RHEX: variants seen among roughly 807,000 people sequenced by gnomAD.
RHEX encodes the protein regulator of hemoglobinization and erythroid cell expansion, also known as regulator of hemoglobinization and erythroid cell expansion protein.
A neutral mutation model predicts 20.1 loss-of-function variants in RHEX; 18 were observed. The observed-to-expected ratio is 0.90, with a 90% CI of 0.62 to 1.33. The LOEUF is 1.33. RHEX is among the 40% of genes most tolerant of loss of function. The pLI, the probability that RHEX is intolerant of heterozygous loss-of-function variation, is 0.00. For missense variants in RHEX, 192 were observed against 214.3 expected (o/e 0.90, Z 0.65); for synonymous variants, 87 against 77.1 (o/e 1.13, Z -0.67).
At chr1:206,094,682 T>A (rs1455424562) in intron 1 of RHEX, among the ~76,000 whole-genome samples, 1 of 152,156 alleles carries the variant, frequency 6.6e-6, no homozygotes, top group Admixed American at 6.5e-5. Flanking sequence ...ACGTCCGTAT[T>A]ATTTACTGTT....
chr1:206,065,723 C>T (rs1662409917), intron 1 of RHEX, among the ~76,000 whole-genome samples: 1 of 152,192 alleles, frequency 6.6e-6, no homozygotes, highest in Non-Finnish European at 1.5e-5. Flanking sequence ...TCTTAGGCCT[C>T]TCACCAGGAC....
intron 1 of RHEX, chr1:206,061,420 T>C (rs1242825759): frequency 6.6e-6 from 1 of 152,196 alleles, no homozygotes; most frequent in Non-Finnish European, 1.5e-5. Flanking sequence ...TCCAGTCGCA[T>C]GTAGAGAGGG....
rs374644450 is a variant in RHEX at position 206,076,171 on chromosome 1, A to G, written c.-96-21562A>G. On this transcript the variant is annotated intron_variant, in intron 1 of 5. Transcript: ENST00000331555. ...CACCAGGGAGTCTTTTTTTTTTTTA[A>G]TGAGACAGGGTTTTGCTCTGTCACC... 1.3e-4 allele frequency among the ~76,000 whole-genome samples: 19 copies of G among 150,330 alleles called. 1 individual carries two copies. In the South Asian group the frequency reaches 2.9e-3, roughly 23 times the overall value.
Position 206,097,669 on chromosome 1 carries a change from G to A in RHEX, c.-96-64G>A, listed in dbSNP as rs1663100581. 3.9e-6 allele frequency: 4 copies of A among 1,028,194 alleles called. No individual in the cohort carries two copies. In the African/African-American group the frequency reaches 6.3e-5, roughly 16 times the overall value. 63.7% of individuals were successfully genotyped at this position (1,028,194 alleles called of 1,614,324 possible). On this transcript the variant is annotated intron_variant, in intron 1 of 5. Transcript: ENST00000331555. Reference sequence around the variant, plus strand: ...TCACAATTGATCCTCAAGTAGCTGAGTTTGCCCAAGGGAAATTTGTATAAA... The same window carrying A: ...TCACAATTGATCCTCAAGTAGCTGAATTTGCCCAAGGGAAATTTGTATAAA...
At chr1:206,070,878 T>C (rs1662512143) in intron 1 of RHEX, among the ~76,000 whole-genome samples, 1 of 152,192 alleles carries the variant, frequency 6.6e-6, no homozygotes, top group Non-Finnish European at 1.5e-5. Context: ...AACTAATTTC[T>C]ATAAGTCCAG....
intron 1 of RHEX, among the ~76,000 whole-genome samples, chr1:206,094,490 T>C (rs1360447681): frequency 6.6e-6 from 1 of 152,234 alleles, no homozygotes; most frequent in Non-Finnish European, 1.5e-5. Flanking sequence ...CGTATATGCC[T>C]GGAATTGTAT....
In RHEX at chr1:206,101,764, G is replaced by T. The variant is rs367756335; in HGVS notation, c.331G>T (p.Val111Leu). ...SPPACQATED[V>L]DYTQVVFSDP... ...CTTTTCTCCTAAGGCCACAGAGGATGTGGATTACACACAAGTCGTCTTTTC... is the reference window on the plus strand; with the variant it reads ...CTTTTCTCCTAAGGCCACAGAGGATTTGGATTACACACAAGTCGTCTTTTC... Residue 111 changes from valine (V) to leucine (L), a missense_variant, in exon 6 of 6, where the codon GTG (valine) becomes TTG (leucine). Val to Leu is a conservative substitution (Grantham distance 32). Coordinates refer to ENST00000331555, the MANE Select transcript of RHEX (RefSeq NM_001007544.4). The T allele has an allele frequency of 2.0e-5, 33 of 1,613,290 alleles. No homozygotes were observed. In the African/African-American group the frequency reaches 3.9e-4, roughly 19 times the overall value.
At chr1:206,082,622 C>T (rs1167306678) in intron 1 of RHEX, among the ~76,000 whole-genome samples, 4 of 152,062 alleles carry the variant, frequency 2.6e-5, no homozygotes, top group African/African-American at 9.7e-5. Flanking sequence ...CTTAAACAAC[C>T]TTATGAGATT....
intron 1 of RHEX, among the ~76,000 whole-genome samples, chr1:206,054,875 T>A (rs1236590268): frequency 6.6e-6 from 1 of 152,262 alleles, no homozygotes; most frequent in Non-Finnish European, 1.5e-5. Flanking sequence ...TAAAAATTGG[T>A]GCTAAAGGAA....
At chr1:206,077,610 A>G (rs1181180548) in intron 1 of RHEX, among the ~76,000 whole-genome samples, 1 of 152,178 alleles carries the variant, frequency 6.6e-6, no homozygotes, top group African/African-American at 2.4e-5. Context: ...TGTCTCTACA[A>G]AAAATTAAAA....
At chr1:206,074,503 C>G (rs1662595240) in intron 1 of RHEX, among the ~76,000 whole-genome samples, 1 of 152,172 alleles carries the variant, frequency 6.6e-6, no homozygotes. Flanking sequence ...ATAGAATTCA[C>G]ATACCACACA....
At chr1:206,097,300 A>G (rs1553287817) in intron 1 of RHEX, among the ~76,000 whole-genome samples, 1 of 152,190 alleles carries the variant, frequency 6.6e-6, no homozygotes, top group Non-Finnish European at 1.5e-5. Context: ...GAAAGAATCC[A>G]TAAGCCCTGC....
At chr1:206,060,776 C>G (rs1157312506) in intron 1 of RHEX, 2 of 152,226 alleles carry the variant, frequency 1.3e-5, no homozygotes, top group Admixed American at 1.3e-4. Context: ...TGTGGTGTCC[C>G]TCATCTTGCT....
At chr1:206,082,290 G>T (rs1662753655) in intron 1 of RHEX, among the ~76,000 whole-genome samples, 1 of 152,042 alleles carries the variant, frequency 6.6e-6, no homozygotes, top group African/African-American at 2.4e-5. Flanking sequence ...GGCTGAGGCG[G>T]GTGAAGCACG....
chr1:206,079,643 C>T (rs1407769552), intron 1 of RHEX, among the ~76,000 whole-genome samples: 6 of 152,104 alleles, frequency 3.9e-5, no homozygotes, highest in Admixed American at 3.9e-4. Context: ...GCAACCTCTG[C>T]CTGCTAGGTT....
intron 1 of RHEX, chr1:206,083,535 G>A: frequency 1.0e-6 from 1 of 985,420 alleles, no homozygotes; most frequent in Non-Finnish European, 1.2e-6. Flanking sequence ...ACTTGTGACT[G>A]ACCTCCAGTG....
rs1244426372 is a variant in RHEX at position 206,057,828 on chromosome 1, T to G, written c.-97+4563T>G. 3.3e-5 allele frequency among the ~76,000 whole-genome samples: 5 copies of G among 152,260 alleles called. No individual in the cohort carries two copies. In the East Asian group the frequency reaches 9.6e-4, roughly 29 times the overall value. On this transcript the variant is annotated intron_variant, in intron 1 of 5. Coordinates refer to ENST00000331555, the MANE Select transcript of RHEX (RefSeq NM_001007544.4). ...ATGGACCTGCCACTTGGTCACAAGA[T>G]GTCTCATGGGGATATGGAACCCCCA...
chr1:206,084,823 T>C (rs1662807005), intron 1 of RHEX, among the ~76,000 whole-genome samples: 1 of 152,220 alleles, frequency 6.6e-6, no homozygotes, highest in African/African-American at 2.4e-5. Context: ...CATGGGGTCC[T>C]TGTGAGCACA....
intron 1 of RHEX, among the ~76,000 whole-genome samples, chr1:206,075,227 T>C (rs1354020183): frequency 6.6e-6 from 1 of 152,216 alleles, no homozygotes; most frequent in Non-Finnish European, 1.5e-5. Flanking sequence ...CCAACATATA[T>C]GACATGAAGA....
Sources: gnomAD v4.1 joint callset for allele counts (sites outside exome capture counted in the v4.1 genomes callset) on GRCh38, gnomAD v4.1.1 for gene constraint, MANE v1.5 for transcripts, NCBI Gene and HGNC (gene_info 2026-07-23, HGNC 2026-07-21) for gene names.